Variants in TCF7L1 observed in about 807,000 individuals in gnomAD.
TCF7L1 encodes the protein transcription factor 7-like 1.
Under a neutral mutation model 63.7 loss-of-function variants are expected in TCF7L1, and 18 were observed. The observed-to-expected ratio is 0.28, with a 90% CI of 0.20 to 0.42. The LOEUF is 0.42. Ranked by LOEUF, TCF7L1 falls within the 10% of genes least tolerant of loss-of-function variation. TCF7L1 has a pLI of 1.00. For missense variants in TCF7L1, 654 were observed against 779.3 expected (o/e 0.84, Z 1.91); for synonymous variants, 355 against 340.9 (o/e 1.04, Z -0.46).
intron 3 of TCF7L1, among the ~76,000 whole-genome samples, chr2:85,244,210 A>G (rs1043381310): frequency 6.6e-6 from 1 of 152,146 alleles, no homozygotes; most frequent in African/African-American, 2.4e-5. Flanking sequence ...ACAGTCAGAA[A>G]GGGGACAGGG....
chr2:85,245,920 C>T (rs1168891571), intron 3 of TCF7L1, among the ~76,000 whole-genome samples: 1 of 152,058 alleles, frequency 6.6e-6, no homozygotes, highest in Non-Finnish European at 1.5e-5. Context: ...CCATGTCCTT[C>T]TTGGGCAGTG....
chr2:85,139,175 A>AT, intron 3 of TCF7L1, among the ~76,000 whole-genome samples: 1 of 152,000 alleles, frequency 6.6e-6, no homozygotes, highest in South Asian at 2.1e-4. Flanking sequence ...CGCCCAGCCA[A>AT]TTTTTGTATT....
In TCF7L1 at chr2:85,180,897, C is replaced by T. The variant is rs112818375; in HGVS notation, c.441+46447C>T. Among the ~76,000 whole-genome samples the T allele has an allele frequency of 6.2e-3, 941 of 152,340 alleles. 11 individuals are homozygous for T. The highest frequency in any genetic ancestry group is 0.021 in the African/African-American group (882 of 41,564). On this transcript the variant is annotated intron_variant, in intron 3 of 11. Transcript: ENST00000282111. ...AAATAGCAAGTAGCTAGACCGCTTCCTCCCTGGCAGGTCTGAAGCACATGA... is the reference window on the plus strand; with the variant it reads ...AAATAGCAAGTAGCTAGACCGCTTCTTCCCTGGCAGGTCTGAAGCACATGA...
chr2:85,191,654 G>A (rs1679039741), intron 3 of TCF7L1, among the ~76,000 whole-genome samples: 1 of 152,012 alleles, frequency 6.6e-6, no homozygotes, highest in African/African-American at 2.4e-5. Flanking sequence ...GTGAAACTCT[G>A]TCTCTACTAA....
intron 3 of TCF7L1, chr2:85,204,815 A>C (rs189692923): frequency 2.7e-4 from 41 of 152,098 alleles, no homozygotes; most frequent in African/African-American, 9.7e-4. Flanking sequence ...ATGGGCAGAA[A>C]TTATACCTCA....
At chr2:85,284,629 G>A (rs1294020132) in intron 4 of TCF7L1, among the ~76,000 whole-genome samples, 3 of 152,140 alleles carry the variant, frequency 2.0e-5, no homozygotes, top group Non-Finnish European at 4.4e-5. Context: ...CAAGCTAACT[G>A]GTGCTCGCCG....
intron 3 of TCF7L1, among the ~76,000 whole-genome samples, chr2:85,169,323 G>A (rs1334876500): frequency 3.3e-5 from 5 of 150,710 alleles, no homozygotes; most frequent in Non-Finnish European, 7.4e-5. Context: ...TTGATGACCT[G>A]AACTCCAGAT....
intron 3 of TCF7L1, among the ~76,000 whole-genome samples, chr2:85,135,775 C>G (rs1677577708): frequency 7.3e-6 from 1 of 137,488 alleles, no homozygotes; most frequent in Non-Finnish European, 1.6e-5. Flanking sequence ...CACAGTTTTG[C>G]CCCGAGAGGG....
At chr2:85,191,717 C>T (rs1374098239) in intron 3 of TCF7L1, among the ~76,000 whole-genome samples, 3 of 151,158 alleles carry the variant, frequency 2.0e-5, no homozygotes, top group East Asian at 2.0e-4. Flanking sequence ...CCCAGCTACT[C>T]GGAAGGCTGA....
intron 3 of TCF7L1, among the ~76,000 whole-genome samples, chr2:85,173,811 A>G (rs1449932491): frequency 2.0e-5 from 3 of 151,740 alleles, no homozygotes; most frequent in African/African-American, 7.3e-5. Flanking sequence ...ATCTCGGCTC[A>G]CTGCAACCTC....
At chr2:85,174,015 G>A (rs756285697) in intron 3 of TCF7L1, among the ~76,000 whole-genome samples, 2 of 152,256 alleles carry the variant, frequency 1.3e-5, no homozygotes, top group African/African-American at 2.4e-5. Context: ...GATTACATGC[G>A]TGAGCCACCG....
At chr2:85,168,422 G>A (rs945003064) in intron 3 of TCF7L1, among the ~76,000 whole-genome samples, 7 of 152,170 alleles carry the variant, frequency 4.6e-5, no homozygotes, top group Non-Finnish European at 1.0e-4. Context: ...TGAAGATGGA[G>A]AAGGAGGGGT....
intron 3 of TCF7L1, among the ~76,000 whole-genome samples, chr2:85,179,982 A>G (rs908879712): frequency 6.6e-6 from 1 of 152,002 alleles, no homozygotes; most frequent in Non-Finnish European, 1.5e-5. Context: ...AATTTTAATA[A>G]TTGTTAATGG....
At position 85,277,295 on chromosome 2, in the gene TCF7L1, AT is replaced by A. The variant is rs555607918; in HGVS notation, c.442-6195del. Among the ~76,000 whole-genome samples the A allele has an allele frequency of 3.9e-5, 6 of 152,098 alleles. No individual in the cohort carries two copies. The South Asian group carries it at 1.0e-3, about 26-fold the overall frequency. On this transcript the variant is annotated intron_variant, in intron 3 of 11. Coordinates refer to ENST00000282111, the MANE Select transcript of TCF7L1 (RefSeq NM_031283.3). The stretch of plus-strand genomic sequence containing the variant: ...GGGGAGACACGGATCGCTTCTTCAC[AT>A]TTTTCATTTATAGTACGGTTATAGT...
chr2:85,232,077 T>A (rs1336075477), intron 3 of TCF7L1, among the ~76,000 whole-genome samples: 2 of 152,170 alleles, frequency 1.3e-5, no homozygotes, highest in Non-Finnish European at 1.5e-5. Flanking sequence ...CTTCATCATG[T>A]TTCCTCTGCA....
chr2:85,260,944 G>A lies in TCF7L1; in HGVS notation c.442-22551G>A, dbSNP rs534976316. 3.9e-5 allele frequency among the ~76,000 whole-genome samples: 6 copies of A among 152,236 alleles called. No individual in the cohort carries two copies. In the South Asian group the frequency reaches 1.2e-3, roughly 32 times the overall value. ...GTTTTATTACAATGACTGAGAATTT[G>A]CTCTCCCTCAGTTATCATATCTACT... On this transcript the variant is annotated intron_variant, in intron 3 of 11. Coordinates refer to ENST00000282111, the MANE Select transcript of TCF7L1 (RefSeq NM_031283.3).
chr2:85,248,419 A>C (rs1336801886), intron 3 of TCF7L1, among the ~76,000 whole-genome samples: 2 of 152,182 alleles, frequency 1.3e-5, no homozygotes, highest in African/African-American at 4.8e-5. Flanking sequence ...TCCAGGGAAC[A>C]CACTTGGAGT....
At chr2:85,268,213 G>A (rs145383080) in intron 3 of TCF7L1, among the ~76,000 whole-genome samples, 9 of 152,166 alleles carry the variant, frequency 5.9e-5, no homozygotes, top group East Asian at 1.9e-4. Flanking sequence ...CTCCCAAAAG[G>A]TGATGGTTTC....
At chr2:85,181,913 C>T (rs1488862629) in intron 3 of TCF7L1, among the ~76,000 whole-genome samples, 2 of 152,094 alleles carry the variant, frequency 1.3e-5, no homozygotes, top group Non-Finnish European at 2.9e-5. Context: ...GAATGCAGCC[C>T]CTGCCACAGG....
Sources: allele counts gnomAD v4.1 joint callset (sites outside exome capture counted in the v4.1 genomes callset), GRCh38; gene constraint gnomAD v4.1.1; transcripts MANE v1.5; gene names NCBI Gene and HGNC (gene_info 2026-07-23, HGNC 2026-07-21).